The following RPH3AL variants were observed in gnomAD, a reference collection of about 807,000 sequenced individuals.
The protein encoded by RPH3AL is rabphilin 3A like (without C2 domains).
In RPH3AL, 38 loss-of-function variants were observed where a neutral mutation model predicts 43.1. The ratio of observed to expected loss-of-function variants is 0.88; its 90% CI spans 0.68 to 1.15. RPH3AL has a LOEUF of 1.15. Ranked by LOEUF, RPH3AL falls within the 50% of genes most tolerant of loss-of-function variation. RPH3AL has a pLI of 0.00. For synonymous variants in RPH3AL, 189 were observed against 176.3 expected (o/e 1.07, Z -0.57); for missense variants, 462 against 423.2 (o/e 1.09, Z -0.81).
rs551059378 is a variant in RPH3AL at position 290,683 on chromosome 17, C to A, written c.352-8829G>T. On this transcript the variant is annotated intron_variant, in intron 5 of 9. Transcript: ENST00000331302. The surrounding 1 kb of genome is among the most constrained non-coding windows in gnomAD (Gnocchi z 4.2). ...TCATGCCCAGGCTGGCCTTTGAGTC[C>A]TCACCGATCCATTTCATGATGAGGA... Among the ~76,000 whole-genome samples, 1 of 152,292 alleles carries A rather than the reference C, an allele frequency of 6.6e-6. No homozygotes were observed. Among genetic ancestry groups the A allele is most frequent in the Non-Finnish European group, 1.5e-5 (1 of 68,034 alleles).
intron 5 of RPH3AL, among the ~76,000 whole-genome samples, chr17:305,590 A>G (rs2043465350): frequency 6.6e-6 from 1 of 151,288 alleles, no homozygotes; most frequent in African/African-American, 2.4e-5. Context: ...ACATCTCAAG[A>G]GCAGGACACC....
Position 323,407 on chromosome 17 carries a change from C to G in RPH3AL, c.78-1992G>C, listed in dbSNP as rs1164474652. ...GGCAGCCTCTGCCTGGACTACCTGCCTTGCTCCTATGAACTGCACACATGC... is the reference window on the plus strand; with the variant it reads ...GGCAGCCTCTGCCTGGACTACCTGCGTTGCTCCTATGAACTGCACACATGC... On this transcript the variant is annotated intron_variant, in intron 3 of 9. Coordinates refer to ENST00000331302, the MANE Select transcript of RPH3AL (RefSeq NM_006987.4). This position sits in a 1 kb window ranked among gnomAD's most constrained non-coding sequence, Gnocchi z 4.4. 1.3e-5 allele frequency among the ~76,000 whole-genome samples: 2 copies of G among 152,192 alleles called. 1 individual carries two copies. The highest frequency in any genetic ancestry group is 4.1e-4 in the South Asian group (2 of 4,836).
chr17:321,483 T>C, intron 3 of RPH3AL, 68 bp from the exon 4 acceptor site: 1 of 1,457,256 alleles, frequency 6.9e-7, no homozygotes, highest in East Asian at 2.5e-5. Context: ...CCCTACCACA[T>C]CCACCAAGCC....
At chr17:308,611 C>T (rs535187074) in intron 5 of RPH3AL, among the ~76,000 whole-genome samples, 3 of 152,328 alleles carry the variant, frequency 2.0e-5, no homozygotes, top group African/African-American at 4.8e-5. Context: ...AAATTTTCCT[C>T]GCCTTAAAAA....
chr17:295,904 A>AAG (rs2043165912), intron 5 of RPH3AL, among the ~76,000 whole-genome samples: 1 of 97,258 alleles, frequency 1.0e-5, no homozygotes, highest in Non-Finnish European at 2.1e-5. Context: ...AAATGGATGG[A>AAG]CAGAGGGAAT....
chr17:315,586 T>A (rs1555520141), intron 5 of RPH3AL, among the ~76,000 whole-genome samples: 3 of 141,864 alleles, frequency 2.1e-5, no homozygotes, highest in Admixed American at 7.0e-5. Flanking sequence ...TGACCTGTAG[T>A]CCCTGTGCTC....
rs1192899814 is a variant in RPH3AL, at chr17:300,048, C to A, written c.352-18194G>T. Among the ~76,000 whole-genome samples, 201 of 57,344 alleles carry A rather than the reference C, an allele frequency of 3.5e-3. 1 individual carries two copies. The highest frequency in any genetic ancestry group is 0.013 in the African/African-American group (192 of 14,270). 37.6% of individuals were successfully genotyped at this position (57,344 alleles called of 152,430 possible). On this transcript the variant is annotated intron_variant, in intron 5 of 9. Coordinates refer to ENST00000331302, the MANE Select transcript of RPH3AL (RefSeq NM_006987.4). ...CCCACCCACTCTAGAAGGGGCTGGC[C>A]CAGCCTAGGCCTGCAGAATCTCTCA...
At chr17:337,723 C>T (rs2044997931) in intron 1 of RPH3AL, among the ~76,000 whole-genome samples, 1 of 152,256 alleles carries the variant, frequency 6.6e-6, no homozygotes, top group African/African-American at 2.4e-5. Context: ...GCTGACGAGG[C>T]ACCAGGCCCG....
intron 6 of RPH3AL, among the ~76,000 whole-genome samples, chr17:253,295 C>G (rs944558983): frequency 1.3e-5 from 2 of 152,132 alleles, no homozygotes; most frequent in African/African-American, 4.8e-5. Context: ...CAGGTTGATG[C>G]TCAGGGTGAC....
chr17:294,083 G>T (rs1478191806), intron 5 of RPH3AL, among the ~76,000 whole-genome samples: 1 of 152,034 alleles, frequency 6.6e-6, no homozygotes. Context: ...AATCAAAGGG[G>T]AAAGCACAGG....
rs2040716795 is a variant in RPH3AL at position 213,391 on chromosome 17, C to T, written c.*461G>A. 5.2e-6 allele frequency: 1 copy of T among 193,528 alleles called. No homozygotes were observed. The highest frequency in any genetic ancestry group is 1.1e-5 in the Non-Finnish European group (1 of 92,278). 12.0% of individuals were successfully genotyped at this position (193,528 alleles called of 1,614,324 possible). A position where few individuals can be genotyped will look rare whatever the true frequency, so the allele number is the denominator to read the frequency against. ...AGAGGGAGAGGGTGGGTGAGTCTCCCCCTCACTGCTCTGGCTCTGATGCTC... is the reference window on the plus strand; with the variant it reads ...AGAGGGAGAGGGTGGGTGAGTCTCCTCCTCACTGCTCTGGCTCTGATGCTC... On this transcript the variant is annotated 3_prime_UTR_variant, in exon 10 of 10. Coordinates refer to ENST00000331302, the MANE Select transcript of RPH3AL (RefSeq NM_006987.4).
At chr17:263,443 G>A (rs1053612547) in intron 6 of RPH3AL, among the ~76,000 whole-genome samples, 13 of 152,344 alleles carry the variant, frequency 8.5e-5, no homozygotes, top group Middle Eastern at 3.4e-3. Context: ...GATCCAGCAC[G>A]TGGACGAACA....
At chr17:285,188 G>A (rs903757665) in intron 5 of RPH3AL, among the ~76,000 whole-genome samples, 3 of 151,454 alleles carry the variant, frequency 2.0e-5, no homozygotes, top group African/African-American at 7.2e-5. Context: ...GTCGTCTAGA[G>A]CCCTCGGTCC....
At chr17:241,446 T>C (rs1348122729) in intron 7 of RPH3AL, among the ~76,000 whole-genome samples, 3 of 152,182 alleles carry the variant, frequency 2.0e-5, no homozygotes, top group African/African-American at 7.2e-5. Flanking sequence ...TGTCCATCGA[T>C]AGGTGATTAA....
At chr17:334,140 C>G (rs985231701) in intron 1 of RPH3AL, 2 of 153,264 alleles carry the variant, frequency 1.3e-5, no homozygotes, top group Non-Finnish European at 2.9e-5. Context: ...TTCCCCGCCC[C>G]GACTACAGGG....
At chr17:310,698 C>G (rs1188174711) in intron 5 of RPH3AL, among the ~76,000 whole-genome samples, 1 of 152,188 alleles carries the variant, frequency 6.6e-6, no homozygotes, top group African/African-American at 2.4e-5. Context: ...AATTAATTAC[C>G]CTTAATGGTT....
At chr17:298,571 G>A (rs1035660859) in intron 5 of RPH3AL, among the ~76,000 whole-genome samples, 1 of 151,952 alleles carries the variant, frequency 6.6e-6, no homozygotes, top group Non-Finnish European at 1.5e-5. Flanking sequence ...CAGGCATGGA[G>A]GCACACTCCT....
intron 5 of RPH3AL, among the ~76,000 whole-genome samples, chr17:295,236 C>T (rs34500306): frequency 9.4e-3 from 859 of 91,186 alleles, no homozygotes; most frequent in Middle Eastern, 0.017. Flanking sequence ...ACAGATGCTG[C>T]AGAAATGGAC....
chr17:242,101 A>G (rs1038505691), intron 7 of RPH3AL, among the ~76,000 whole-genome samples: 1 of 152,154 alleles, frequency 6.6e-6, no homozygotes, highest in Non-Finnish European at 1.5e-5. Context: ...TGGGTGGCAG[A>G]GCAAGACTGT....
Sources: gnomAD v4.1 joint callset for allele counts (sites outside exome capture counted in the v4.1 genomes callset) on GRCh38, gnomAD v4.1.1 for gene constraint, Gnocchi (gnomAD v3.1) non-coding constraint, MANE v1.5 for transcripts, NCBI Gene and HGNC (gene_info 2026-07-23, HGNC 2026-07-21) for gene names.